The following MINPP1 variants were observed in gnomAD, a reference collection of about 807,000 sequenced individuals.
The protein encoded by MINPP1 is multiple inositol-polyphosphate phosphatase 1, also known as multiple inositol polyphosphate phosphatase 1.
Under a neutral mutation model 46.1 loss-of-function variants are expected in MINPP1, and 28 were observed. The observed-to-expected ratio is 0.61, with a 90% CI of 0.45 to 0.83. The LOEUF is 0.83. Ranked by LOEUF, MINPP1 falls within the 40% of genes least tolerant of loss-of-function variation. MINPP1 has a pLI of 0.00. For missense variants in MINPP1, 603 were observed against 610.0 expected (o/e 0.99, Z 0.12); for synonymous variants, 268 against 249.1 (o/e 1.08, Z -0.72).
At chr10:87,540,606 C>T (rs1407517729) in intron 4 of MINPP1, among the ~76,000 whole-genome samples, 2 of 152,048 alleles carry the variant, frequency 1.3e-5, no homozygotes, top group African/African-American at 2.4e-5. Flanking sequence ...GTTCATAGAC[C>T]AGCTTTGGTT....
chr10:87,541,436 G>A (rs181870640), intron 4 of MINPP1, among the ~76,000 whole-genome samples: 54 of 152,268 alleles, frequency 3.5e-4, no homozygotes, highest in African/African-American at 1.3e-3. Context: ...AAGTCCTCTT[G>A]AATTTTATAC....
chr10:87,517,661 T>C (rs1161751824), intron 3 of MINPP1, among the ~76,000 whole-genome samples: 1 of 152,224 alleles, frequency 6.6e-6, no homozygotes, highest in African/African-American at 2.4e-5. Context: ...ACATTGTTTT[T>C]AGTTTGGGGC....
intron 3 of MINPP1, among the ~76,000 whole-genome samples, chr10:87,520,075 TGTGTTG>T (rs1851478248): frequency 1.3e-5 from 2 of 152,020 alleles, no homozygotes; most frequent in Admixed American, 6.6e-5. Context: ...TGTGTGTGTG[TGTGTTG>T]GTAATAAATG....
At chr10:87,529,717 G>A (rs894091800) in intron 4 of MINPP1, among the ~76,000 whole-genome samples, 6 of 152,108 alleles carry the variant, frequency 3.9e-5, no homozygotes, top group East Asian at 1.9e-4. Context: ...TCTTTGTGGC[G>A]TTCTCTGTAT....
chr10:87,517,692 T>G (rs1851432284), intron 3 of MINPP1, among the ~76,000 whole-genome samples: 1 of 152,232 alleles, frequency 6.6e-6, no homozygotes, highest in Admixed American at 6.5e-5. Flanking sequence ...CTTGTTGCTA[T>G]GAACATTATT....
At chr10:87,512,653 A>G (rs6586073) in intron 2 of MINPP1, among the ~76,000 whole-genome samples, 112,193 of 152,074 alleles carry the variant, frequency 0.74, 42,123 homozygotes, top group African/African-American at 0.88. Context: ...ACAAAATCAT[A>G]TTAAGTTTTA....
chr10:87,525,134 T>C (rs1851557525), intron 4 of MINPP1, among the ~76,000 whole-genome samples: 1 of 152,202 alleles, frequency 6.6e-6, no homozygotes, highest in Non-Finnish European at 1.5e-5. Flanking sequence ...GATGAGGTAA[T>C]ACCTGTATCA....
intron 3 of MINPP1, among the ~76,000 whole-genome samples, chr10:87,514,388 C>T (rs1277585789): frequency 6.6e-6 from 1 of 152,116 alleles, no homozygotes; most frequent in African/African-American, 2.4e-5. Flanking sequence ...CAAATTTTCA[C>T]GTCTTAAGTC....
chr10:87,513,867 C>T (rs1364281642), intron 3 of MINPP1, among the ~76,000 whole-genome samples: 2 of 152,010 alleles, frequency 1.3e-5, no homozygotes, highest in African/African-American at 4.8e-5. Context: ...ATCAAGGTAT[C>T]AATAGAGCCG....
intron 1 of MINPP1, among the ~76,000 whole-genome samples, chr10:87,506,617 T>C (rs1166899573): frequency 1.3e-5 from 2 of 152,264 alleles, no homozygotes; most frequent in Non-Finnish European, 2.9e-5. Flanking sequence ...TATGCTATAC[T>C]GCCTCCATTT....
intron 3 of MINPP1, 132 bp from the exon 4 acceptor site, chr10:87,520,904 A>G (rs1851491412): frequency 1.9e-6 from 1 of 535,490 alleles, no homozygotes; most frequent in South Asian, 2.6e-5. Flanking sequence ...AAATGCTGGA[A>G]AGGACAAATA....
chr10:87,511,447 A>G (rs540509503), intron 2 of MINPP1, among the ~76,000 whole-genome samples: 2 of 152,250 alleles, frequency 1.3e-5, no homozygotes, highest in African/African-American at 4.8e-5. Flanking sequence ...GTGGAGGGAA[A>G]GGGTCTATTT....
intron 4 of MINPP1, among the ~76,000 whole-genome samples, chr10:87,537,023 G>C (rs1452363116): frequency 6.6e-6 from 1 of 151,974 alleles, no homozygotes; most frequent in Non-Finnish European, 1.5e-5. Context: ...TTCAGCCTCT[G>C]TCTCGTGGGC....
At chr10:87,540,182 A>C (rs752910130) in intron 4 of MINPP1, among the ~76,000 whole-genome samples, 10 of 152,208 alleles carry the variant, frequency 6.6e-5, no homozygotes, top group Non-Finnish European at 1.3e-4. Flanking sequence ...TTCTTCTGTT[A>C]AAGGAAAAAC....
chr10:87,516,591 G>A (rs1851415275), intron 3 of MINPP1, among the ~76,000 whole-genome samples: 1 of 104,584 alleles, frequency 9.6e-6, no homozygotes, highest in African/African-American at 2.9e-5. Context: ...GCCCATGAAA[G>A]GTGTAGTGGG....
intron 4 of MINPP1, among the ~76,000 whole-genome samples, chr10:87,530,461 AGTTTGCTGGAGGTCCACTCCAGACCCT>A (rs1190476385): frequency 4.6e-5 from 7 of 152,158 alleles, no homozygotes; most frequent in Non-Finnish European, 7.4e-5. Context: ...GGTCTGCTGG[AGTTTGCTGGAGGTCCACTCCAGACCCT>A]GTTTGCCTGG....
chr10:87,508,232 G>A lies in MINPP1; in HGVS notation c.638-104G>A, dbSNP rs185685901. The A allele has an allele frequency of 1.3e-4, 198 of 1,556,922 alleles. No individual in the cohort carries two copies. The East Asian group carries it at 4.7e-3, about 37-fold the overall frequency. ...GTGCTTATTTCAGCTGTGCGGATTA[G>A]TAAGATGTTAGTGTTCCTTTTTCAC... On this transcript the variant is annotated intron_variant, in intron 1 of 4. Transcript: ENST00000371996.
intron 4 of MINPP1, among the ~76,000 whole-genome samples, chr10:87,540,468 CTG>C (rs1851797907): frequency 9.2e-6 from 1 of 109,128 alleles, no homozygotes; most frequent in South Asian, 3.3e-4. Context: ...TCTCCTCTCT[CTG>C]TCTCTGTCTC....
At chr10:87,525,791 T>A (rs1851568335) in intron 4 of MINPP1, among the ~76,000 whole-genome samples, 1 of 152,224 alleles carries the variant, frequency 6.6e-6, no homozygotes, top group South Asian at 2.1e-4. Flanking sequence ...CACCTATGAG[T>A]GAAAACATGC....
Sources: gnomAD v4.1 joint callset for allele counts (sites outside exome capture counted in the v4.1 genomes callset) on GRCh38, gnomAD v4.1.1 for gene constraint, MANE v1.5 for transcripts, NCBI Gene and HGNC (gene_info 2026-07-23, HGNC 2026-07-21) for gene names.